ZNF277: variants seen among roughly 807,000 people sequenced by gnomAD.
ZNF277 encodes the protein zinc finger protein 277.
Under a neutral mutation model 60.7 loss-of-function variants are expected in ZNF277, and 55 were observed. The observed-to-expected ratio is 0.91, with a 90% CI of 0.73 to 1.13. ZNF277 has a LOEUF of 1.13. Ranked by LOEUF, ZNF277 falls within the 50% of genes most tolerant of loss-of-function variation. ZNF277 has a pLI of 0.00. For synonymous variants in ZNF277, 178 were observed against 179.3 expected, an observed-to-expected ratio of 0.99 and a Z score of 0.06; for missense variants, 510 against 523.0, an observed-to-expected ratio of 0.98 and a Z score of 0.24.
chr7:112,262,631 A>T (rs1791463188), intron 1 of ZNF277, among the ~76,000 whole-genome samples: 1 of 152,174 alleles, frequency 6.6e-6, no homozygotes, highest in African/African-American at 2.4e-5. Flanking sequence ...AGAATATTTT[A>T]TAAACAATAT....
chr7:112,305,213 C>T (rs767367675), intron 4 of ZNF277, among the ~76,000 whole-genome samples: 2 of 151,910 alleles, frequency 1.3e-5, no homozygotes, highest in Non-Finnish European at 2.9e-5. Context: ...AAGCAAGACT[C>T]CATTCCTTAA....
At chr7:112,330,396 C>A in intron 7 of ZNF277, 180 bp downstream of exon 7, 1 of 620,048 alleles carries the variant, frequency 1.6e-6, no homozygotes, top group Non-Finnish European at 2.8e-6. Flanking sequence ...TTTGACTTGT[C>A]TTTTATTTGA....
chr7:112,309,355 ATTGT>A (rs1457127992), intron 4 of ZNF277, among the ~76,000 whole-genome samples: 2 of 152,000 alleles, frequency 1.3e-5, no homozygotes, highest in African/African-American at 2.4e-5. Flanking sequence ...TTCAGGGAAG[ATTGT>A]TTGAGGAAGA....
intron 1 of ZNF277, among the ~76,000 whole-genome samples, chr7:112,269,655 C>G (rs1180659326): frequency 2.0e-5 from 3 of 152,036 alleles, no homozygotes; most frequent in Non-Finnish European, 4.4e-5. Flanking sequence ...GGTTTTGGGT[C>G]ATAGCTTTCT....
chr7:112,316,725 A>G (rs1348690363), intron 4 of ZNF277, among the ~76,000 whole-genome samples: 2 of 152,078 alleles, frequency 1.3e-5, no homozygotes, highest in African/African-American at 4.8e-5. Flanking sequence ...TAGTTCAACC[A>G]TTGTGGAAGA....
intron 5 of ZNF277, among the ~76,000 whole-genome samples, chr7:112,326,067 C>A: frequency 6.6e-6 from 1 of 152,116 alleles, no homozygotes. Context: ...AGGTTGAGAG[C>A]CGGATTCAGC....
chr7:112,258,680 G>A (rs775463912), intron 1 of ZNF277, among the ~76,000 whole-genome samples: 2 of 152,000 alleles, frequency 1.3e-5, no homozygotes, highest in Non-Finnish European at 2.9e-5. Context: ...GGTGATTGCT[G>A]TTTGTCAAGA....
chr7:112,240,995 G>C (rs1790932304), intron 1 of ZNF277, among the ~76,000 whole-genome samples: 1 of 151,978 alleles, frequency 6.6e-6, no homozygotes, highest in South Asian at 2.1e-4. Context: ...AAGCAAAAAT[G>C]GACAGATGGG....
intron 1 of ZNF277, among the ~76,000 whole-genome samples, chr7:112,246,477 T>C (rs146785513): frequency 1.3e-3 from 196 of 152,298 alleles, no homozygotes; most frequent in African/African-American, 4.5e-3. Flanking sequence ...AAATTTGATA[T>C]TATAACTGAG....
intron 1 of ZNF277, among the ~76,000 whole-genome samples, chr7:112,243,424 C>G (rs1415281408): frequency 6.6e-6 from 1 of 151,018 alleles, no homozygotes; most frequent in South Asian, 2.1e-4. Context: ...TACTTGCAAA[C>G]TGTGTATCTG....
At chr7:112,265,613 C>T (rs1427962718) in intron 1 of ZNF277, among the ~76,000 whole-genome samples, 1 of 152,080 alleles carries the variant, frequency 6.6e-6, no homozygotes, top group East Asian at 1.9e-4. Flanking sequence ...TTGCTCTGTA[C>T]AGGGTTGCCA....
chr7:112,330,425 A>G (rs907625713), intron 7 of ZNF277: 9 of 589,642 alleles, frequency 1.5e-5, no homozygotes, highest in Non-Finnish European at 2.6e-5. Flanking sequence ...ATGTAGTAAA[A>G]ATGTCATGTC....
chr7:112,238,977 A>T (rs1471947760), intron 1 of ZNF277, among the ~76,000 whole-genome samples: 1 of 152,000 alleles, frequency 6.6e-6, no homozygotes, highest in African/African-American at 2.4e-5. Context: ...GAAGGAAACA[A>T]CCCAGTCTAA....
chr7:112,300,184 T>A (rs1354198090), intron 4 of ZNF277, among the ~76,000 whole-genome samples: 1 of 152,222 alleles, frequency 6.6e-6, no homozygotes, highest in African/African-American at 2.4e-5. Context: ...TAGAATCATA[T>A]TTCTTTTTCC....
intron 1 of ZNF277, among the ~76,000 whole-genome samples, chr7:112,268,311 T>C (rs1791594195): frequency 6.6e-6 from 1 of 151,986 alleles, no homozygotes; most frequent in Admixed American, 6.6e-5. Context: ...CTGAGTATTT[T>C]GAATCAGTTT....
intron 1 of ZNF277, among the ~76,000 whole-genome samples, chr7:112,280,782 C>T (rs748580429): frequency 9.2e-5 from 14 of 152,138 alleles, no homozygotes; most frequent in Admixed American, 2.0e-4. Context: ...CCAGCCACCA[C>T]GCCCGGCTAA....
rs141846254 is a variant in ZNF277 at position 112,229,128 on chromosome 7, A to T, written c.91+22321A>T. On this transcript the variant is annotated intron_variant, in intron 1 of 11. Coordinates refer to ENST00000361822, the MANE Select transcript of ZNF277 (RefSeq NM_021994.3). ...GAAATGTTTTAAAAGGACAAGACAT[A>T]GTTGTGTATTCTTTGAGCTTATAGT... Among the ~76,000 whole-genome samples, 70 of 152,334 alleles carry T rather than the reference A, an allele frequency of 4.6e-4. 1 individual carries two copies. Among genetic ancestry groups the T allele is most frequent in the South Asian group, 1.7e-3 (8 of 4,830 alleles).
At chr7:112,222,894 C>T (rs1221477627) in intron 1 of ZNF277, among the ~76,000 whole-genome samples, 1 of 152,182 alleles carries the variant, frequency 6.6e-6, no homozygotes, top group Non-Finnish European at 1.5e-5. Flanking sequence ...GCTGCCAGCA[C>T]AGCTAGAATA....
chr7:112,286,947 C>T lies in ZNF277; in HGVS notation c.166C>T (p.Pro56Ser), dbSNP rs1792082893. 6.2e-7 allele frequency: 1 copy of T among 1,608,378 alleles called. No individual in the cohort carries two copies. Among genetic ancestry groups the T allele is most frequent in the Admixed American group, 1.7e-5 (1 of 59,200 alleles). Residue 56 changes from proline to serine, a missense_variant, in exon 2 of 12, where the codon CCA becomes TCA. Physicochemically the swap from Pro to Ser is moderately conservative, Grantham distance 74. Coordinates refer to ENST00000361822, the MANE Select transcript of ZNF277 (RefSeq NM_021994.3). ...PGGTTTLEGS[P>S]SVPCIFCEEH... ...TGGCACCACCACTTTAGAAGGTTCT[C>T]CATCTGTGCCTTGTATTTTCTGTGA... is the stretch of plus-strand genomic sequence containing the variant.
Sources: allele counts gnomAD v4.1 joint callset (sites outside exome capture counted in the v4.1 genomes callset), GRCh38; gene constraint gnomAD v4.1.1; transcripts MANE v1.5; gene names NCBI Gene and HGNC (gene_info 2026-07-23, HGNC 2026-07-21).